The following CHD7 variants were observed in gnomAD, a reference collection of about 807,000 sequenced individuals.
The protein encoded by CHD7 is ATP-dependent chromatin remodeler CHD7.
In CHD7, 24 loss-of-function variants were observed where a neutral mutation model predicts 307.3. That is an observed-to-expected ratio of 0.08 (90% CI 0.06 to 0.11). The LOEUF is 0.11. CHD7 is among the 10% of genes least tolerant of loss of function. The probability of loss-of-function intolerance (pLI) is 1.00; values close to 1 mark genes in which losing one functional copy is unlikely to be tolerated. For missense variants in CHD7, 3,106 were observed against 3,727.1 expected (o/e 0.83, Z 4.34); for synonymous variants, 1,363 against 1,349.9 (o/e 1.01, Z -0.21).
At chr8:60,857,278 G>C (rs545866197) in intron 34 of CHD7, among the ~76,000 whole-genome samples, 8 of 152,224 alleles carry the variant, frequency 5.3e-5, no homozygotes, top group Middle Eastern at 3.4e-3. Flanking sequence ...CTAAGATTTG[G>C]GTTAACATAA....
At chr8:60,717,033 CT>C (rs57809302) in intron 1 of CHD7, among the ~76,000 whole-genome samples, 84,579 of 134,794 alleles carry the variant, frequency 0.63, 27,994 homozygotes, top group East Asian at 0.92. Flanking sequence ...TACCTTAAGC[CT>C]TTTTTTTTTT....
chr8:60,687,988 A>G (rs886918419), intron 1 of CHD7, among the ~76,000 whole-genome samples: 1 of 152,160 alleles, frequency 6.6e-6, no homozygotes, highest in Non-Finnish European at 1.5e-5. Flanking sequence ...CCATGCTGTG[A>G]TGCTACCTAT....
intron 2 of CHD7, among the ~76,000 whole-genome samples, chr8:60,763,644 C>T (rs771690205): frequency 1.1e-4 from 16 of 152,102 alleles, no homozygotes; most frequent in African/African-American, 2.2e-4. Context: ...TTTGAGATTT[C>T]GTTGAGACAT....
At chr8:60,846,780 G>T (rs1805227223) in intron 23 of CHD7, among the ~76,000 whole-genome samples, 1 of 152,200 alleles carries the variant, frequency 6.6e-6, no homozygotes, top group Non-Finnish European at 1.5e-5. Flanking sequence ...CCATTTAACT[G>T]ACAAGAAAAC....
At chr8:60,765,257 GTATT>G (rs1380804123) in intron 2 of CHD7, among the ~76,000 whole-genome samples, 2 of 151,108 alleles carry the variant, frequency 1.3e-5, no homozygotes, top group African/African-American at 2.4e-5. Flanking sequence ...ACACACACAT[GTATT>G]TATATATGTG....
rs899576758 is a variant in CHD7 at position 60,783,790 on chromosome 8, AAG to A, written c.2096+2363_2096+2364del. On this transcript the variant is annotated intron_variant, in intron 3 of 37. Transcript: ENST00000423902. The stretch of plus-strand genomic sequence containing the variant: ...GCCACACTGGGGGGGGCGGGGCACA[AAG>A]AGTGTTGGTGGCACCTCTGTTGGCC... Among the ~76,000 whole-genome samples, 34 of 152,286 alleles carry A rather than the reference AAG, an allele frequency of 2.2e-4. 1 individual carries two copies. The highest frequency in any genetic ancestry group is 7.9e-4 in the African/African-American group (33 of 41,566).
At chr8:60,708,599 T>A (rs1807126292) in intron 1 of CHD7, among the ~76,000 whole-genome samples, 1 of 152,192 alleles carries the variant, frequency 6.6e-6, no homozygotes, top group Admixed American at 6.5e-5. Flanking sequence ...CTGCTCTTCT[T>A]TAAATATAGT....
chr8:60,829,824 G>A (rs1264860962), intron 14 of CHD7, among the ~76,000 whole-genome samples: 4 of 152,138 alleles, frequency 2.6e-5, no homozygotes, highest in African/African-American at 9.7e-5. Context: ...AAAACTGTAT[G>A]GATTACTCAG....
intron 1 of CHD7, among the ~76,000 whole-genome samples, chr8:60,693,445 C>T (rs570115405): frequency 5.3e-5 from 8 of 152,228 alleles, no homozygotes; most frequent in Non-Finnish European, 1.0e-4. Flanking sequence ...GCTCCTCTGG[C>T]AGGGCTTGTG....
At chr8:60,696,852 T>G (rs971656928) in intron 1 of CHD7, among the ~76,000 whole-genome samples, 18 of 152,022 alleles carry the variant, frequency 1.2e-4, no homozygotes, top group African/African-American at 4.3e-4. Flanking sequence ...TGTTTTTTTT[T>G]TTTCTTTTCT....
At chr8:60,847,919 A>G (rs181810900) in intron 23 of CHD7, among the ~76,000 whole-genome samples, 1 of 152,114 alleles carries the variant, frequency 6.6e-6, no homozygotes, top group Non-Finnish European at 1.5e-5. Context: ...ATAGTATTTC[A>G]TACAGGAGAA....
rs754706160 is a variant in CHD7, at chr8:60,828,800, A to G, written c.3516A>G (p.Glu1172=). Residue 1172 remains glutamate, a synonymous_variant, in exon 14 of 38, where the codon GAA becomes GAG. Coordinates refer to ENST00000423902, the MANE Select transcript of CHD7 (RefSeq NM_017780.4). ...AAGAATTTGGTGATCTAAAAACAGA[A>G]GAGCAGGTATTTATCAGCTCCACTT... The part of the protein sequence containing the change: ...FMQEFGDLKT[E]EQVQKLQAIL... 1.2e-6 allele frequency: 2 copies of G among 1,613,336 alleles called. No homozygotes were observed. Among genetic ancestry groups the G allele is most frequent in the African/African-American group, 1.3e-5 (1 of 74,930 alleles).
At chr8:60,682,194 T>G (rs1457264647) in intron 1 of CHD7, among the ~76,000 whole-genome samples, 1 of 152,218 alleles carries the variant, frequency 6.6e-6, no homozygotes, top group African/African-American at 2.4e-5. Context: ...TCACCAGTAT[T>G]TGGTCTAGTT....
chr8:60,851,513 A>G (rs913692343), intron 28 of CHD7, among the ~76,000 whole-genome samples, 194 bp downstream of exon 28: 2 of 152,220 alleles, frequency 1.3e-5, no homozygotes, highest in South Asian at 4.1e-4. Context: ...TAGATAGGAT[A>G]ACTATTTCTT....
At chr8:60,841,579 A>AGCT in intron 19 of CHD7, 65 bp from the exon 20 acceptor site, 1 of 1,257,298 alleles carries the variant, frequency 8.0e-7, no homozygotes, top group South Asian at 1.2e-5. Context: ...CATAAACAAA[A>AGCT]GCTGCTTTAC....
At chr8:60,688,819 G>A (rs1041541175) in intron 1 of CHD7, among the ~76,000 whole-genome samples, 1 of 152,146 alleles carries the variant, frequency 6.6e-6, no homozygotes, top group Non-Finnish European at 1.5e-5. Context: ...GGGATATTAC[G>A]GTTTTCTGAT....
In CHD7 at chr8:60,765,848, A is replaced by G. The variant is rs147485251; in HGVS notation, c.1666-15152A>G. Among the ~76,000 whole-genome samples the G allele has an allele frequency of 3.1e-3, 468 of 152,344 alleles. 2 individuals carry two copies. Among genetic ancestry groups the G allele is most frequent in the African/African-American group, 0.011 (451 of 41,576 alleles). On this transcript the variant is annotated intron_variant, in intron 2 of 37. Transcript: ENST00000423902. Reference sequence around the variant, plus strand: ...AAAACCAGAAGATTTGCTGACGAAGATGAGACTAGCAGGAGACTGTGCCAT... The same window carrying G: ...AAAACCAGAAGATTTGCTGACGAAGGTGAGACTAGCAGGAGACTGTGCCAT...
intron 8 of CHD7, 48 bp downstream of exon 8, chr8:60,816,549 G>A (rs1388012833): frequency 8.9e-7 from 1 of 1,124,488 alleles, no homozygotes; most frequent in Non-Finnish European, 1.3e-6. Flanking sequence ...TTGTTAAAAT[G>A]TTCTAAATTT....
chr8:60,765,255 A>G (rs62526486), intron 2 of CHD7, among the ~76,000 whole-genome samples: 4,731 of 151,732 alleles, frequency 0.031, 161 homozygotes, highest in African/African-American at 0.079. Context: ...GCACACACAC[A>G]TGTATTTATA....
Sources: gnomAD v4.1 joint callset for allele counts (sites outside exome capture counted in the v4.1 genomes callset) on GRCh38, gnomAD v4.1.1 for gene constraint, MANE v1.5 for transcripts, NCBI Gene and HGNC (gene_info 2026-07-23, HGNC 2026-07-21) for gene names.